Variants in NAV2 observed in about 807,000 individuals in gnomAD.
NAV2 encodes the protein neuron navigator 2.
A neutral mutation model predicts 223.2 loss-of-function variants in NAV2; 54 were observed. The ratio of observed to expected loss-of-function variants is 0.24; its 90% CI spans 0.19 to 0.30. The LOEUF is 0.30. Ranked by LOEUF, NAV2 falls within the 10% of genes least tolerant of loss-of-function variation. NAV2 has a pLI of 1.00. For missense variants in NAV2, 2,806 were observed against 3,147.5 expected, an observed-to-expected ratio of 0.89 and a Z score of 2.60; for synonymous variants, 1,279 against 1,239.3, an observed-to-expected ratio of 1.03 and a Z score of -0.67.
intron 1 of NAV2, among the ~76,000 whole-genome samples, chr11:19,366,576 C>G (rs986318142): frequency 1.3e-5 from 2 of 152,152 alleles, no homozygotes; most frequent in Non-Finnish European, 2.9e-5. Context: ...GGATCAGAGG[C>G]AGAGAGTGAT....
intron 17 of NAV2, among the ~76,000 whole-genome samples, chr11:20,053,125 G>A (rs2058122470): frequency 6.6e-6 from 1 of 151,332 alleles, no homozygotes; most frequent in East Asian, 1.9e-4. Context: ...GGCTGAGGTG[G>A]GAGAATCACT....
chr11:19,352,061 C>A (rs1222293234), intron 1 of NAV2, among the ~76,000 whole-genome samples: 1 of 151,300 alleles, frequency 6.6e-6, no homozygotes, highest in Non-Finnish European at 1.5e-5. Flanking sequence ...TAAAAATAAT[C>A]AAAAATAAAC....
intron 2 of NAV2, 77 bp from the exon 3 acceptor site, chr11:19,842,794 C>A: frequency 7.2e-7 from 1 of 1,394,922 alleles, no homozygotes; most frequent in Non-Finnish European, 1.0e-6. Flanking sequence ...GACTTGGTTG[C>A]CTCAAGTGTC....
At chr11:19,655,101 C>T (rs1444838735) in intron 1 of NAV2, among the ~76,000 whole-genome samples, 2 of 152,138 alleles carry the variant, frequency 1.3e-5, no homozygotes, top group Non-Finnish European at 1.5e-5. Context: ...AGACACTTCT[C>T]AAAAGAAGAC....
At chr11:19,496,443 C>T (rs577856638) in intron 1 of NAV2, among the ~76,000 whole-genome samples, 56 of 152,320 alleles carry the variant, frequency 3.7e-4, no homozygotes, top group African/African-American at 1.3e-3. Context: ...ATGATTTACC[C>T]ACATGCCTGG....
intron 16 of NAV2, 79 bp downstream of exon 16, chr11:20,049,980 C>A (rs2057816619): frequency 5.6e-6 from 8 of 1,422,538 alleles, no homozygotes; most frequent in Non-Finnish European, 6.0e-6. Context: ...ATGTCTTGTG[C>A]GAGGCTGTTG....
chr11:19,876,234 G>A (rs887943318), intron 4 of NAV2, among the ~76,000 whole-genome samples: 6 of 152,090 alleles, frequency 3.9e-5, no homozygotes, highest in African/African-American at 1.4e-4. Flanking sequence ...CACCATGTGA[G>A]CCAGGCTGGT....
intron 2 of NAV2, among the ~76,000 whole-genome samples, chr11:19,836,149 C>G (rs2060216911): frequency 1.3e-5 from 2 of 152,108 alleles, no homozygotes; most frequent in South Asian, 4.1e-4. Flanking sequence ...GAATGTTTCC[C>G]CTTCTCAACA....
intron 3 of NAV2, among the ~76,000 whole-genome samples, chr11:19,866,384 G>A (rs747219151): frequency 6.6e-6 from 1 of 152,138 alleles, no homozygotes; most frequent in African/African-American, 2.4e-5. Context: ...CCTAGCCAGT[G>A]GAGAACTACT....
At chr11:19,590,207 G>A (rs772236292) in intron 1 of NAV2, among the ~76,000 whole-genome samples, 18 of 152,212 alleles carry the variant, frequency 1.2e-4, no homozygotes, top group African/African-American at 4.3e-4. Flanking sequence ...CATTTATAAC[G>A]GTTCCTGGCA....
intron 9 of NAV2, among the ~76,000 whole-genome samples, chr11:19,948,098 C>CG (rs1359917028): frequency 2.0e-5 from 3 of 148,386 alleles, no homozygotes; most frequent in East Asian, 3.9e-4. Flanking sequence ...TTTTTTTTGC[C>CG]GGGGGGGATG....
At chr11:19,889,268 C>T (rs1393076882) in intron 5 of NAV2, among the ~76,000 whole-genome samples, 1 of 152,108 alleles carries the variant, frequency 6.6e-6, no homozygotes, top group African/African-American at 2.4e-5. Flanking sequence ...TGTTTGTGAA[C>T]CAAATTTTGC....
intron 11 of NAV2, among the ~76,000 whole-genome samples, chr11:19,984,790 G>A (rs2625332): frequency 0.16 from 23,800 of 152,166 alleles, 2,381 homozygotes; most frequent in East Asian, 0.49. Context: ...CTGCTGTCAG[G>A]GAAGAAAAGA....
chr11:20,065,018 G>A (rs1329567053), intron 20 of NAV2, among the ~76,000 whole-genome samples: 2 of 152,046 alleles, frequency 1.3e-5, no homozygotes, highest in African/African-American at 4.8e-5. Flanking sequence ...GAGAATATAG[G>A]TTGCTTTTGC....
At chr11:20,073,519 C>A (rs1048257282) in intron 22 of NAV2, among the ~76,000 whole-genome samples, 4 of 152,096 alleles carry the variant, frequency 2.6e-5, no homozygotes, top group Non-Finnish European at 5.9e-5. Flanking sequence ...GGTACTAGAT[C>A]CTCTTTGTAC....
intron 3 of NAV2, among the ~76,000 whole-genome samples, chr11:19,859,744 G>T (rs1210767189): frequency 9.3e-5 from 14 of 151,080 alleles, no homozygotes; most frequent in African/African-American, 3.4e-4. Flanking sequence ...TCACCTCCCG[G>T]ACCGGGCGGC....
intron 1 of NAV2, among the ~76,000 whole-genome samples, chr11:19,700,491 A>G (rs1422800784): frequency 6.6e-6 from 1 of 152,230 alleles, no homozygotes; most frequent in African/African-American, 2.4e-5. Context: ...CCAAGATCAC[A>G]CAACCAATTA....
Position 19,576,647 on chromosome 11 carries a change from G to A in NAV2, c.75+225620G>A, listed in dbSNP as rs547337863. Among the ~76,000 whole-genome samples, 260 of 152,150 alleles carry A rather than the reference G, an allele frequency of 1.7e-3. 2 individuals are homozygous for A. The highest frequency in any genetic ancestry group is 2.0e-3 in the African/African-American group (85 of 41,502). On this transcript the variant is annotated intron_variant, in intron 1 of 37. Coordinates refer to the NAV2 transcript ENST00000360655. The stretch of plus-strand genomic sequence containing the variant: ...GCTTGTTGTAAAACTTACACATTCC[G>A]GTGCCTGGAAATTTCAAAGATCTGC...
chr11:19,939,926 A>G (rs1261455257), intron 8 of NAV2, among the ~76,000 whole-genome samples, 153 bp downstream of exon 8: 1 of 143,648 alleles, frequency 7.0e-6, no homozygotes, highest in Non-Finnish European at 1.5e-5. Context: ...TTTTTTTCCT[A>G]TTATTTTTCT....
Sources: gnomAD v4.1 joint callset for allele counts (sites outside exome capture counted in the v4.1 genomes callset) on GRCh38, gnomAD v4.1.1 for gene constraint, MANE v1.5 for transcripts, NCBI Gene and HGNC (gene_info 2026-07-23, HGNC 2026-07-21) for gene names.